The following ZNF407 variants were observed in gnomAD, a reference collection of about 807,000 sequenced individuals.
The protein encoded by ZNF407 is zinc finger protein 407.
Under a neutral mutation model 131.2 loss-of-function variants are expected in ZNF407, and 17 were observed. The observed-to-expected ratio is 0.13, with a 90% confidence interval of 0.09 to 0.19. ZNF407 has a LOEUF of 0.19. Among genes scored for constraint, ZNF407 ranks in the 10% least tolerant of loss-of-function variants. The pLI is 1.00. For missense variants in ZNF407, 2,681 were observed against 2,830.6 expected, an observed-to-expected ratio of 0.95 and a Z score of 1.20; for synonymous variants, 1,156 against 1,062.0, an observed-to-expected ratio of 1.09 and a Z score of -1.72.
intron 8 of ZNF407, among the ~76,000 whole-genome samples, chr18:75,055,553 A>G (rs1039974747): frequency 6.6e-6 from 1 of 152,216 alleles, no homozygotes. Flanking sequence ...GTATAATACA[A>G]CATTTCTTAG....
chr18:74,970,514 G>T (rs924611568), intron 8 of ZNF407, among the ~76,000 whole-genome samples: 1 of 152,146 alleles, frequency 6.6e-6, no homozygotes, highest in Non-Finnish European at 1.5e-5. Flanking sequence ...AAAACAAAGG[G>T]GTTACAGGGC....
chr18:74,699,137 C>T (rs1261412219), intron 3 of ZNF407, among the ~76,000 whole-genome samples: 15 of 152,082 alleles, frequency 9.9e-5, no homozygotes, highest in Non-Finnish European at 5.9e-5. Flanking sequence ...TGGCACTGCT[C>T]ACATTTCAAA....
intron 7 of ZNF407, among the ~76,000 whole-genome samples, chr18:74,893,774 A>T (rs1396082909): frequency 6.6e-6 from 1 of 152,120 alleles, no homozygotes; most frequent in Non-Finnish European, 1.5e-5. Flanking sequence ...TTATTTTCAT[A>T]TTTATCTCAC....
chr18:74,837,458 A>G (rs770855536), intron 4 of ZNF407, among the ~76,000 whole-genome samples: 2 of 152,052 alleles, frequency 1.3e-5, no homozygotes, highest in Non-Finnish European at 1.5e-5. Context: ...AGTACTGGTA[A>G]TATACTGATA....
intron 4 of ZNF407, among the ~76,000 whole-genome samples, chr18:74,790,395 C>G (rs1444167044): frequency 6.6e-6 from 1 of 152,188 alleles, no homozygotes; most frequent in Non-Finnish European, 1.5e-5. Flanking sequence ...TCTGCTGTGA[C>G]AAATTAATTT....
chr18:74,907,580 G>A (rs920636037), intron 7 of ZNF407, among the ~76,000 whole-genome samples: 4 of 152,200 alleles, frequency 2.6e-5, no homozygotes, highest in African/African-American at 7.2e-5. Context: ...ATTCAGCCGG[G>A]ATGTGGTTGA....
chr18:74,621,915 G>T (rs1019223756), intron 1 of ZNF407, among the ~76,000 whole-genome samples: 1 of 152,190 alleles, frequency 6.6e-6, no homozygotes, highest in African/African-American at 2.4e-5. Context: ...GTGTTTATGT[G>T]CTAGTCCTCT....
intron 7 of ZNF407, among the ~76,000 whole-genome samples, chr18:74,902,766 C>T (rs1971545660): frequency 6.6e-6 from 1 of 152,162 alleles, no homozygotes; most frequent in African/African-American, 2.4e-5. Flanking sequence ...GAGCTCTGTA[C>T]AGCATAGAGT....
intron 8 of ZNF407, among the ~76,000 whole-genome samples, chr18:74,943,166 T>C (rs546805567): frequency 6.6e-6 from 1 of 152,292 alleles, no homozygotes; most frequent in South Asian, 2.1e-4. Context: ...TCCACCTGCC[T>C]TGGCCTCCCA....
chr18:74,822,365 CTA>C (rs1970353060), intron 4 of ZNF407, among the ~76,000 whole-genome samples: 1 of 152,096 alleles, frequency 6.6e-6, no homozygotes, highest in South Asian at 2.1e-4. Flanking sequence ...ATGGTACTGC[CTA>C]TGTTTTCTTC....
Position 74,635,522 on chromosome 18 carries a change from A to G in ZNF407, c.4503A>G (p.Leu1501=). The change falls in exon 2 of 9, where the codon TTA becomes TTG. Residue 1501 remains leucine (L), a synonymous_variant. Coordinates refer to ENST00000299687, the MANE Select transcript of ZNF407 (RefSeq NM_017757.3). This position sits in a 1 kb window ranked among gnomAD's most constrained non-coding sequence, Gnocchi z 4.7. Reference sequence around the variant, plus strand: ...AGCCCTTTGATTCTGAACAGAATTTATTTTTACATATTAAAGGACAGCATG... The same window carrying G: ...AGCCCTTTGATTCTGAACAGAATTTGTTTTTACATATTAAAGGACAGCATG... The part of the protein sequence containing the change: ...CTEPFDSEQN[L]FLHIKGQHEE... The G allele has an allele frequency of 6.2e-7, 1 of 1,612,736 alleles. No homozygotes were observed. The highest frequency in any genetic ancestry group is 2.2e-5 in the East Asian group (1 of 44,858).
At chr18:74,851,295 T>C in intron 4 of ZNF407, among the ~76,000 whole-genome samples, 1 of 152,214 alleles carries the variant, frequency 6.6e-6, no homozygotes, top group East Asian at 1.9e-4. Flanking sequence ...TGTGCATACT[T>C]ATGTGAGCCA....
chr18:74,956,843 C>T (rs1453648811), intron 8 of ZNF407, among the ~76,000 whole-genome samples: 1 of 152,134 alleles, frequency 6.6e-6, no homozygotes, highest in Non-Finnish European at 1.5e-5. Context: ...TGAAACATGA[C>T]TTCATCAATA....
intron 8 of ZNF407, among the ~76,000 whole-genome samples, chr18:74,987,247 A>G (rs150298518): frequency 1.4e-4 from 21 of 152,212 alleles, no homozygotes; most frequent in African/African-American, 5.1e-4. Context: ...TAATCCATAC[A>G]TAGATAAGTC....
intron 4 of ZNF407, among the ~76,000 whole-genome samples, chr18:74,814,546 A>G (rs930980404): frequency 2.0e-5 from 3 of 152,110 alleles, no homozygotes; most frequent in Non-Finnish European, 4.4e-5. Context: ...GAAGGAAGAA[A>G]TTCAGTTTGT....
At chr18:74,784,777 T>C (rs928341043) in intron 4 of ZNF407, among the ~76,000 whole-genome samples, 2 of 152,250 alleles carry the variant, frequency 1.3e-5, no homozygotes, top group Non-Finnish European at 2.9e-5. Context: ...TTATGACTCT[T>C]TGAATTGACT....
chr18:74,657,139 T>C (rs1985497492), intron 3 of ZNF407, among the ~76,000 whole-genome samples: 1 of 151,956 alleles, frequency 6.6e-6, no homozygotes, highest in African/African-American at 2.4e-5. Context: ...TGCTTACGTA[T>C]TATTTTTCCA....
chr18:74,849,073 T>TA (rs58833292), intron 4 of ZNF407, among the ~76,000 whole-genome samples: 3 of 149,584 alleles, frequency 2.0e-5, no homozygotes, highest in East Asian at 2.0e-4. Context: ...TTTTATTTTT[T>TA]ATTTTTTGTT....
At chr18:74,842,675 G>A (rs555123152) in intron 4 of ZNF407, among the ~76,000 whole-genome samples, 1 of 152,018 alleles carries the variant, frequency 6.6e-6, no homozygotes, top group Admixed American at 6.6e-5. Context: ...TTAGACAAAT[G>A]TTTGCTTATT....
Sources: allele counts gnomAD v4.1 joint callset (sites outside exome capture counted in the v4.1 genomes callset), GRCh38; gene constraint gnomAD v4.1.1; non-coding constraint Gnocchi (gnomAD v3.1); transcripts MANE v1.5; gene names NCBI Gene and HGNC (gene_info 2026-07-23, HGNC 2026-07-21).